The following AK8 variants were observed in gnomAD, a reference collection of about 807,000 sequenced individuals.
AK8 encodes the protein adenylate kinase 8, also known as ATP-AMP transphosphorylase 8.
In AK8, 44 loss-of-function variants were observed where a neutral mutation model predicts 54.6. The ratio of observed to expected loss-of-function variants is 0.81; its 90% confidence interval spans 0.63 to 1.04. AK8 has a LOEUF of 1.04. Among genes scored for constraint, AK8 ranks in the 50% least tolerant of loss-of-function variants. The pLI is 0.00. For missense variants in AK8, 555 were observed against 613.6 expected (o/e 0.90, Z 1.01); for synonymous variants, 239 against 245.6 (o/e 0.97, Z 0.25).
intron 11 of AK8, among the ~76,000 whole-genome samples, chr9:132,768,786 T>C (rs1487043805): frequency 6.6e-6 from 1 of 152,212 alleles, no homozygotes; most frequent in Non-Finnish European, 1.5e-5. Flanking sequence ...TCTCATGCTA[T>C]GCAAACACCT....
rs771133941 is a variant in AK8, at chr9:132,826,617, T to C, written c.757+237A>G. ...CACCAAATCTGCTGTGGGCCAGAGA[T>C]GTGACCACATCTGAGTGTGGGACAT... On this transcript the variant is annotated intron_variant, in intron 8 of 12. Coordinates refer to ENST00000298545, the MANE Select transcript of AK8 (RefSeq NM_152572.3). This position sits in a 1 kb window ranked among gnomAD's most constrained non-coding sequence, Gnocchi z 4.5. 6.6e-6 allele frequency among the ~76,000 whole-genome samples: 1 copy of C among 152,002 alleles called. No individual in the cohort carries two copies.
At chr9:132,788,806 G>C (rs776764554) in intron 11 of AK8, among the ~76,000 whole-genome samples, 5 of 152,188 alleles carry the variant, frequency 3.3e-5, no homozygotes, top group Non-Finnish European at 4.4e-5. Context: ...CTCAGATATG[G>C]AGAAAGAAAG....
At chr9:132,742,538 C>T (rs750846648) in intron 11 of AK8, among the ~76,000 whole-genome samples, 4 of 152,194 alleles carry the variant, frequency 2.6e-5, no homozygotes, top group Non-Finnish European at 5.9e-5. Flanking sequence ...TGGCCAAAAA[C>T]TAAGCATGAC....
At chr9:132,828,958 ATT>A (rs759306917) in intron 5 of AK8, among the ~76,000 whole-genome samples, 5 of 142,884 alleles carry the variant, frequency 3.5e-5, no homozygotes, top group Admixed American at 7.0e-5. Context: ...TTACATCTTG[ATT>A]TTTTTTTTTT....
intron 5 of AK8, among the ~76,000 whole-genome samples, chr9:132,829,142 GA>G (rs1842005073): frequency 6.6e-6 from 1 of 152,034 alleles, no homozygotes; most frequent in Non-Finnish European, 1.5e-5. Flanking sequence ...ATTTTTAGTA[GA>G]AACAGAGTTT....
rs1841094698 is a variant in AK8 at position 132,812,538 on chromosome 9, G to GGGATGACGGGTGAGCCGCCGCGCCCACTA, written c.979+2099_979+2100insTAGTGGGCGCGGCGGCTCACCCGTCATCC. Among the ~76,000 whole-genome samples the GGGATGACGGGTGAGCCGCCGCGCCCACTA allele has an allele frequency of 1.3e-5, 2 of 150,720 alleles. 1 individual carries two copies. Among genetic ancestry groups the GGGATGACGGGTGAGCCGCCGCGCCCACTA allele is most frequent in the South Asian group, 4.1e-4 (2 of 4,826 alleles). On this transcript the variant is annotated intron_variant, in intron 10 of 12. Transcript: ENST00000298545. ...ACAGGGGTGAGCTACCGTGCCCACT[G>GGGATGACGGGTGAGCCGCCGCGCCCACTA]GGATGACGGGTGAGCCGCCGCGCCC...
At chr9:132,768,299 C>A (rs1838808334) in intron 11 of AK8, among the ~76,000 whole-genome samples, 1 of 148,930 alleles carries the variant, frequency 6.7e-6, no homozygotes, top group South Asian at 2.1e-4. Context: ...CGGAGTTTCG[C>A]TCTTGTTGCC....
chr9:132,815,552 CAAAAAAAAAAAG>C (rs955237296), intron 9 of AK8, among the ~76,000 whole-genome samples: 1 of 138,722 alleles, frequency 7.2e-6, no homozygotes, highest in African/African-American at 2.7e-5. Flanking sequence ...GACTCCGTTT[CAAAAAAAAAAAG>C]AAAAAGAAAA....
intron 10 of AK8, among the ~76,000 whole-genome samples, chr9:132,814,297 AAAAAAAAAAAAG>A (rs1374063676): frequency 6.7e-6 from 1 of 149,534 alleles, no homozygotes; most frequent in Non-Finnish European, 1.5e-5. Context: ...AAAAAAAAAA[AAAAAAAAAAAAG>A]GATGTGGGGA....
At chr9:132,740,997 A>G (rs1057450704) in intron 11 of AK8, among the ~76,000 whole-genome samples, 2 of 152,172 alleles carry the variant, frequency 1.3e-5, no homozygotes, top group Admixed American at 6.5e-5. Context: ...CCTCGCTATC[A>G]TCTGCCTGTT....
intron 11 of AK8, among the ~76,000 whole-genome samples, chr9:132,778,165 C>T (rs963045713): frequency 2.6e-5 from 4 of 152,188 alleles, no homozygotes; most frequent in African/African-American, 9.7e-5. Flanking sequence ...GAAAAGGCAC[C>T]ATGGCGCACA....
chr9:132,783,989 TGAA>T (rs1259677850), intron 11 of AK8, among the ~76,000 whole-genome samples: 2 of 152,172 alleles, frequency 1.3e-5, no homozygotes, highest in Admixed American at 1.3e-4. Flanking sequence ...TTGGTCTTAC[TGAA>T]GAAGAAAACC....
At chr9:132,847,480 G>C (rs1169019516) in intron 5 of AK8, among the ~76,000 whole-genome samples, 2 of 152,120 alleles carry the variant, frequency 1.3e-5, no homozygotes, top group Non-Finnish European at 2.9e-5. Flanking sequence ...CTGGTTCCAG[G>C]AACTCTTGGC....
rs77420242 is a variant in AK8, at chr9:132,790,545, C to T, written c.1121+2089G>A. 0.016 allele frequency among the ~76,000 whole-genome samples: 2,407 copies of T among 152,214 alleles called. 30 individuals are homozygous for T. Among genetic ancestry groups the T allele is most frequent in the Middle Eastern group, 0.044 (13 of 294 alleles). ...GATTACAGGCGTGAGCCACTGTGCCCGGCCAACTTCTTTAACTTCATACAA... is the reference window on the plus strand; with the variant it reads ...GATTACAGGCGTGAGCCACTGTGCCTGGCCAACTTCTTTAACTTCATACAA... On this transcript the variant is annotated intron_variant, in intron 11 of 12. Transcript: ENST00000298545. The surrounding 1 kb of genome is among the most constrained non-coding windows in gnomAD (Gnocchi z 4.1).
At chr9:132,828,531 G>T in intron 6 of AK8, 114 bp downstream of exon 6, 3 of 844,900 alleles carry the variant, frequency 3.6e-6, no homozygotes, top group African/African-American at 1.7e-5. Context: ...TCCTTGCTGG[G>T]TCTCAGACGG....
intron 11 of AK8, among the ~76,000 whole-genome samples, chr9:132,760,187 A>T (rs999479717): frequency 6.9e-6 from 1 of 144,930 alleles, no homozygotes. Flanking sequence ...TACGTTGTTA[A>T]TTTTTTTTTT....
At chr9:132,825,612 T>C (rs1473671413) in intron 8 of AK8, among the ~76,000 whole-genome samples, 1 of 152,146 alleles carries the variant, frequency 6.6e-6, no homozygotes, top group African/African-American at 2.4e-5. Context: ...CGCTGGCTGA[T>C]TGCTCCCTTC....
chr9:132,733,096 C>A (rs138855525), intron 11 of AK8, among the ~76,000 whole-genome samples: 1 of 152,150 alleles, frequency 6.6e-6, no homozygotes, highest in Non-Finnish European at 1.5e-5. Context: ...GGAAGCGAGC[C>A]CAACTGTTTC....
chr9:132,793,036 C>T (rs1301667231), intron 10 of AK8, among the ~76,000 whole-genome samples: 2 of 151,340 alleles, frequency 1.3e-5, no homozygotes, highest in Admixed American at 6.6e-5. Context: ...CCATCCCCAC[C>T]TGCAACCCAG....
Sources: allele counts gnomAD v4.1 joint callset (sites outside exome capture counted in the v4.1 genomes callset), GRCh38; gene constraint gnomAD v4.1.1; non-coding constraint Gnocchi (gnomAD v3.1); transcripts MANE v1.5; gene names NCBI Gene and HGNC (gene_info 2026-07-23, HGNC 2026-07-21).